The following ZMYM4 variants were observed in gnomAD, a reference collection of about 807,000 sequenced individuals.
ZMYM4 encodes zinc finger MYM-type protein 4.
In ZMYM4, 31 loss-of-function variants were observed where a neutral mutation model predicts 183.2. That is an observed-to-expected ratio of 0.17 (90% CI 0.13 to 0.23). ZMYM4 has a LOEUF of 0.23. Among genes scored for constraint, ZMYM4 ranks in the 10% least tolerant of loss-of-function variants. ZMYM4 has a pLI of 1.00. For missense variants in ZMYM4, 1,273 were observed against 1,840.3 expected (o/e 0.69, Z 5.64); for synonymous variants, 592 against 631.2 (o/e 0.94, Z 0.93).
intron 1 of ZMYM4, among the ~76,000 whole-genome samples, chr1:35,309,209 TG>T (rs1435286416): frequency 6.6e-6 from 1 of 152,216 alleles, no homozygotes; most frequent in African/African-American, 2.4e-5. Context: ...GGTACAAGTT[TG>T]GGGATCTTTA....
chr1:35,331,971 A>G (rs976990791), intron 2 of ZMYM4, among the ~76,000 whole-genome samples: 2 of 151,984 alleles, frequency 1.3e-5, no homozygotes, highest in African/African-American at 4.8e-5. Flanking sequence ...ATGATTCCAA[A>G]TACAGGGTTC....
intron 7 of ZMYM4, among the ~76,000 whole-genome samples, chr1:35,376,077 GAA>G (rs564648131): frequency 7.2e-6 from 1 of 138,408 alleles, no homozygotes. Context: ...CACTATCTTT[GAA>G]AAAAAAAAAA....
chr1:35,408,996 C>T (rs1639759285), intron 26 of ZMYM4, among the ~76,000 whole-genome samples: 1 of 152,132 alleles, frequency 6.6e-6, no homozygotes, highest in African/African-American at 2.4e-5. Flanking sequence ...CTGGACTTGC[C>T]TATTCTGGAT....
Position 35,352,267 on chromosome 1 carries a change from G to A in ZMYM4, c.86-6658G>A, listed in dbSNP as rs200872146. Among the ~76,000 whole-genome samples the A allele has an allele frequency of 4.3e-3, 340 of 78,262 alleles. 8 individuals carry two copies. Among genetic ancestry groups the A allele is most frequent in the African/African-American group, 0.014 (308 of 22,624 alleles). The allele number at this position is 78,262 out of a possible 152,430, so 51.3% of individuals were successfully genotyped here. A position where few individuals can be genotyped will look rare whatever the true frequency, so the allele number is the denominator to read the frequency against. ...TTTAAAAATTAGCGCGCACGCGCGC[G>A]CGCACACACACACACACACACACAC... On this transcript the variant is annotated intron_variant, in intron 2 of 29. Transcript: ENST00000314607.
intron 1 of ZMYM4, among the ~76,000 whole-genome samples, chr1:35,284,228 G>A (rs374622046): frequency 9.0e-4 from 136 of 151,594 alleles, no homozygotes; most frequent in Admixed American, 5.5e-3. Flanking sequence ...CACCTGCCTC[G>A]GCCTCCCAAA....
Position 35,389,117 on chromosome 1 carries a change from T to C in ZMYM4, c.2436+35T>C. On this transcript the variant is annotated intron_variant, in intron 14 of 29. Coordinates refer to ENST00000314607, the MANE Select transcript of ZMYM4 (RefSeq NM_005095.3). The surrounding 1 kb of genome is among the most constrained non-coding windows in gnomAD (Gnocchi z 4.0). ...ATTCACATTCCTGGGTTTTTCATTC[T>C]AGGGCATAAATTATTCCCTTTTAAA... The C allele has an allele frequency of 6.3e-7, 1 of 1,575,194 alleles. No individual in the cohort carries two copies. The highest frequency in any genetic ancestry group is 8.6e-7 in the Non-Finnish European group (1 of 1,162,488).
intron 2 of ZMYM4, among the ~76,000 whole-genome samples, chr1:35,339,418 A>G (rs1484644332): frequency 6.6e-6 from 1 of 152,106 alleles, no homozygotes; most frequent in Non-Finnish European, 1.5e-5. Flanking sequence ...TATTTTTAGT[A>G]GAGATGGGGT....
At chr1:35,296,130 A>C (rs1640996145) in intron 1 of ZMYM4, 1 of 152,184 alleles carries the variant, frequency 6.6e-6, no homozygotes, top group African/African-American at 2.4e-5. Context: ...TACAAAGGAG[A>C]ACAGCCACAG....
At chr1:35,371,199 T>C (rs573033481) in intron 7 of ZMYM4, among the ~76,000 whole-genome samples, 70 of 151,736 alleles carry the variant, frequency 4.6e-4, no homozygotes, top group African/African-American at 1.6e-3. Flanking sequence ...CACTGCAAGC[T>C]CCGCCTCCCG....
intron 7 of ZMYM4, among the ~76,000 whole-genome samples, chr1:35,375,572 A>G (rs951612914): frequency 3.3e-5 from 5 of 152,236 alleles, no homozygotes; most frequent in African/African-American, 1.2e-4. Context: ...CCTCTCTGAT[A>G]ACTACTGCTA....
chr1:35,306,647 A>T (rs548223099), intron 1 of ZMYM4, among the ~76,000 whole-genome samples: 16 of 152,294 alleles, frequency 1.1e-4, no homozygotes, highest in Non-Finnish European at 2.2e-4. Context: ...TAACCATATG[A>T]TAAAGTTCAA....
At chr1:35,341,445 A>G (rs1470631485) in intron 2 of ZMYM4, among the ~76,000 whole-genome samples, 4 of 152,066 alleles carry the variant, frequency 2.6e-5, no homozygotes, top group Non-Finnish European at 5.9e-5. Flanking sequence ...TTTATTTTCA[A>G]GTAATATTTA....
chr1:35,291,778 C>T (rs550142554), intron 1 of ZMYM4, among the ~76,000 whole-genome samples: 3 of 151,808 alleles, frequency 2.0e-5, no homozygotes, highest in East Asian at 1.9e-4. Flanking sequence ...ACTGGGATTA[C>T]AGGTGCCTGC....
chr1:35,360,317 A>G (rs912818761), intron 3 of ZMYM4, among the ~76,000 whole-genome samples: 2 of 152,016 alleles, frequency 1.3e-5, no homozygotes, highest in African/African-American at 4.8e-5. Flanking sequence ...TATCTTACTC[A>G]TCTTTGTATT....
At chr1:35,403,216 C>T in intron 23 of ZMYM4, among the ~76,000 whole-genome samples, 1 of 151,930 alleles carries the variant, frequency 6.6e-6, no homozygotes, top group East Asian at 1.9e-4. Flanking sequence ...GGGATAAACC[C>T]TACTTTTTTC....
Position 35,389,077 on chromosome 1 carries a change from T to C in ZMYM4, c.2431T>C (p.Tyr811His). 1 of 1,610,890 alleles carries C rather than the reference T, an allele frequency of 6.2e-7. No individual in the cohort carries two copies. Among genetic ancestry groups the C allele is most frequent in the Non-Finnish European group, 8.5e-7 (1 of 1,178,812 alleles). Reference sequence around the variant, plus strand: ...CATGTCCAAATATACAGTTTTGTTCTATCAGGTAAATAGAATTCACATTCC... The same window carrying C: ...CATGTCCAAATATACAGTTTTGTTCCATCAGGTAAATAGAATTCACATTCC... The part of the protein sequence containing the change: ...ECMSKYTVLF[Y>H]QMAKCDACKR... Residue 811 changes from tyrosine (Y) to histidine (H), a missense_variant, in exon 14 of 30, where the codon TAT becomes CAT. Transcript: ENST00000314607. The surrounding 1 kb of genome is among the most constrained non-coding windows in gnomAD (Gnocchi z 4.0).
intron 1 of ZMYM4, among the ~76,000 whole-genome samples, chr1:35,308,527 G>T (rs1013934650): frequency 6.6e-6 from 1 of 152,074 alleles, no homozygotes; most frequent in Non-Finnish European, 1.5e-5. Flanking sequence ...TTAGTGTTCC[G>T]CTTGAAGTAC....
At position 35,386,120 on chromosome 1, in the gene ZMYM4, G is replaced by T. The variant is rs141821214; in HGVS notation, c.1767G>T (p.Gln589His). ...CNSCKTSAIP[Q>H]YHLAMSDGSI... ...GTTGTAAAACCTCAGCAATTCCTCA[G>T]TATCACCTAGCCATGTCAGATGGAA... The change falls in exon 11 of 30, where the codon CAG (glutamine) becomes CAT (histidine). Residue 589 changes from glutamine (Q) to histidine (H), a missense_variant. Physicochemically the swap from Gln to His is conservative, Grantham distance 24. Around this residue, in one of 6 missense-constraint regions of ZMYM4, gnomAD observed 319 missense variants for 518.1 expected, o/e 0.62. Transcript: ENST00000314607. 7 of 1,613,962 alleles carry T rather than the reference G, an allele frequency of 4.3e-6. No homozygotes were observed. Among genetic ancestry groups the T allele is most frequent in the Non-Finnish European group, 5.1e-6 (6 of 1,179,944 alleles).
chr1:35,412,154 C>CCATTCCTGGCTCAATACATTTTTAA (rs1558198413), intron 26 of ZMYM4, among the ~76,000 whole-genome samples: 3 of 152,046 alleles, frequency 2.0e-5, no homozygotes, highest in African/African-American at 4.8e-5. Context: ...GCTGGGATTA[C>CCATTCCTGGCTCAATACATTTTTAA]AGGCATGAGC....
Sources: allele counts gnomAD v4.1 joint callset (sites outside exome capture counted in the v4.1 genomes callset), GRCh38; gene constraint gnomAD v4.1.1; regional missense constraint gnomAD v4.1.1; non-coding constraint Gnocchi (gnomAD v3.1); transcripts MANE v1.5; gene names NCBI Gene and HGNC (gene_info 2026-07-23, HGNC 2026-07-21).